PPP3CA: variants seen among roughly 807,000 people sequenced by gnomAD.
The protein encoded by PPP3CA is CAM-PRP catalytic subunit.
A neutral mutation model predicts 66.5 loss-of-function variants in PPP3CA; 14 were observed. That is an observed-to-expected ratio of 0.21 (90% confidence interval 0.14 to 0.33). PPP3CA has a LOEUF of 0.33. PPP3CA is among the 10% of genes least tolerant of loss of function. The probability of loss-of-function intolerance (pLI) is 1.00; values close to 1 mark genes in which losing one functional copy is unlikely to be tolerated. For synonymous variants in PPP3CA, 232 were observed against 226.2 expected, an observed-to-expected ratio of 1.03 and a Z score of -0.23; for missense variants, 317 against 639.5, an observed-to-expected ratio of 0.50 and a Z score of 5.44.
chr4:101,244,100 T>C (rs1726399930), intron 1 of PPP3CA, among the ~76,000 whole-genome samples: 1 of 152,164 alleles, frequency 6.6e-6, no homozygotes. Context: ...CTTCCAAATA[T>C]TTGAACCATG....
intron 3 of PPP3CA, among the ~76,000 whole-genome samples, chr4:101,106,445 GAAAGAAAGAGAAAAGAAAAGAAAAGAAA>G (rs1578452491): frequency 1.6e-4 from 2 of 12,214 alleles, no homozygotes; most frequent in East Asian, 2.5e-3. Context: ...AAGAAAGAAA[GAAAGAAAGAGAAAAGAAAAGAAAAGAAA>G]AGAAAAGAAA....
At chr4:101,167,258 C>T (rs1723721697) in intron 2 of PPP3CA, among the ~76,000 whole-genome samples, 2 of 152,138 alleles carry the variant, frequency 1.3e-5, no homozygotes, top group South Asian at 2.1e-4. Context: ...GGTTAAGGCA[C>T]CTTAAGAACA....
chr4:101,038,729 T>C (rs1727373072), intron 11 of PPP3CA, among the ~76,000 whole-genome samples: 1 of 152,202 alleles, frequency 6.6e-6, no homozygotes. Context: ...GGTATCTAGA[T>C]TGCCTAATTC....
In PPP3CA at chr4:101,124,715, AAGAAAGAAAGAGAAAGAAAG is replaced by A. The variant is rs1578471373; in HGVS notation, c.260-15657_260-15638del. Among the ~76,000 whole-genome samples, 15 of 88,020 alleles carry A rather than the reference AAGAAAGAAAGAGAAAGAAAG, an allele frequency of 1.7e-4. 1 individual carries two copies. Among genetic ancestry groups the A allele is most frequent in the African/African-American group, 6.2e-4 (14 of 22,682 alleles). 57.7% of individuals were successfully genotyped at this position (88,020 alleles called of 152,430 possible). A position where few individuals can be genotyped will look rare whatever the true frequency, so the allele number is the denominator to read the frequency against. ...AAAGAAAGAAAGAAAGAAAGAAAGA[AAGAAAGAAAGAGAAAGAAAG>A]AAAGAAAGAAAGAAAGAAAGAAAGA... On this transcript the variant is annotated intron_variant, in intron 2 of 13. Coordinates refer to ENST00000394854, the MANE Select transcript of PPP3CA (RefSeq NM_000944.5).
intron 13 of PPP3CA, among the ~76,000 whole-genome samples, chr4:101,026,945 T>A (rs997909462): frequency 1.3e-5 from 2 of 152,206 alleles, no homozygotes; most frequent in African/African-American, 4.8e-5. Flanking sequence ...CTGGTTTTGG[T>A]CCTATTCAAT....
chr4:101,137,766 A>T (rs1476419114), intron 2 of PPP3CA, among the ~76,000 whole-genome samples: 3 of 151,550 alleles, frequency 2.0e-5, no homozygotes, highest in Non-Finnish European at 1.5e-5. Flanking sequence ...CCTCCTCTCA[A>T]CGTTTTCTCC....
intron 6 of PPP3CA, among the ~76,000 whole-genome samples, chr4:101,093,419 TA>T (rs1376553643): frequency 6.6e-6 from 1 of 151,822 alleles, no homozygotes; most frequent in Middle Eastern, 3.2e-3. Flanking sequence ...TTTTTTTTTT[TA>T]GATACAATGC....
chr4:101,208,011 T>C (rs984502605), intron 1 of PPP3CA, among the ~76,000 whole-genome samples: 2 of 152,292 alleles, frequency 1.3e-5, no homozygotes, highest in Middle Eastern at 3.4e-3. Flanking sequence ...CATTTAGGCA[T>C]GATGGGCAGT....
intron 12 of PPP3CA, among the ~76,000 whole-genome samples, chr4:101,029,568 A>G (rs1347675724): frequency 1.3e-5 from 2 of 152,130 alleles, no homozygotes; most frequent in Non-Finnish European, 2.9e-5. Flanking sequence ...CACACAGAAT[A>G]CTATATAACC....
At chr4:101,273,940 A>T (rs1459518938) in intron 1 of PPP3CA, among the ~76,000 whole-genome samples, 1 of 152,172 alleles carries the variant, frequency 6.6e-6, no homozygotes, top group Non-Finnish European at 1.5e-5. Flanking sequence ...TTTAAGTAAA[A>T]AAAAAACTAA....
chr4:101,157,727 T>C (rs1451500053), intron 2 of PPP3CA, among the ~76,000 whole-genome samples: 1 of 152,210 alleles, frequency 6.6e-6, no homozygotes, highest in Non-Finnish European at 1.5e-5. Context: ...GTTTGTTCAA[T>C]GCTTTTTTTC....
intron 1 of PPP3CA, among the ~76,000 whole-genome samples, chr4:101,328,620 G>C (rs1729277551): frequency 6.6e-6 from 1 of 152,132 alleles, no homozygotes; most frequent in African/African-American, 2.4e-5. Context: ...CACTTTGCAG[G>C]TATTACATTT....
chr4:101,291,635 T>A (rs568355516), intron 1 of PPP3CA, among the ~76,000 whole-genome samples: 23 of 152,192 alleles, frequency 1.5e-4, no homozygotes, highest in Non-Finnish European at 2.6e-4. Flanking sequence ...TAACGCAACA[T>A]CCTTGTTCTC....
At chr4:101,118,017 C>T (rs1455483801) in intron 2 of PPP3CA, among the ~76,000 whole-genome samples, 4 of 151,956 alleles carry the variant, frequency 2.6e-5, no homozygotes, top group African/African-American at 4.8e-5. Context: ...GATTAACTCC[C>T]TCTAGGACCC....
At chr4:101,245,009 C>CTT in intron 1 of PPP3CA, among the ~76,000 whole-genome samples, 1 of 152,286 alleles carries the variant, frequency 6.6e-6, no homozygotes, top group Non-Finnish European at 1.5e-5. Context: ...CTATCATAAA[C>CTT]ACCAGCCCGA....
At chr4:101,073,010 A>C (rs1300559030) in intron 8 of PPP3CA, among the ~76,000 whole-genome samples, 1 of 151,514 alleles carries the variant, frequency 6.6e-6, no homozygotes, top group Non-Finnish European at 1.5e-5. Context: ...GACAATGGTA[A>C]ATGAAATTAA....
chr4:101,156,237 C>T lies in PPP3CA; in HGVS notation c.259+39679G>A, dbSNP rs562667729. Among the ~76,000 whole-genome samples, 50 of 152,326 alleles carry T rather than the reference C, an allele frequency of 3.3e-4. 1 individual carries two copies. The South Asian group carries it at 9.7e-3, about 30-fold the overall frequency. On this transcript the variant is annotated intron_variant, in intron 2 of 13. Coordinates refer to ENST00000394854, the MANE Select transcript of PPP3CA (RefSeq NM_000944.5). Reference sequence around the variant, plus strand: ...CACTCTGTAACAGAGGGTGCTTCCACATCTCAACTCAGGGGGCCTTTACAA... The same window carrying T: ...CACTCTGTAACAGAGGGTGCTTCCATATCTCAACTCAGGGGGCCTTTACAA...
chr4:101,041,385 G>T (rs147857189), intron 10 of PPP3CA, among the ~76,000 whole-genome samples: 1 of 149,774 alleles, frequency 6.7e-6, no homozygotes, highest in African/African-American at 2.5e-5. Context: ...TTTAATTCCC[G>T]AGGTACATTG....
rs184048742 is a variant in PPP3CA at position 101,309,029 on chromosome 4, A to T, written c.58+37710T>A. On this transcript the variant is annotated intron_variant, in intron 1 of 13. Coordinates refer to ENST00000394854, the MANE Select transcript of PPP3CA (RefSeq NM_000944.5). ...GTGGTCTTAGCTACTTGCGAGGCTG[A>T]GGCAGAAGAATCACTTAAGCCTAGG... Among the ~76,000 whole-genome samples the T allele has an allele frequency of 7.2e-5, 11 of 152,266 alleles. No individual in the cohort carries two copies. The East Asian group carries it at 1.4e-3, about 19-fold the overall frequency.
Sources: allele counts gnomAD v4.1 joint callset (sites outside exome capture counted in the v4.1 genomes callset), GRCh38; gene constraint gnomAD v4.1.1; transcripts MANE v1.5; gene names NCBI Gene and HGNC (gene_info 2026-07-23, HGNC 2026-07-21).